PLEKHG1: variants seen among roughly 807,000 people sequenced by gnomAD.
PLEKHG1 encodes the protein pleckstrin homology domain-containing family G member 1.
A neutral mutation model predicts 100.8 loss-of-function variants in PLEKHG1; 44 were observed. That is an observed-to-expected ratio of 0.44 (90% CI 0.34 to 0.56). PLEKHG1 has a LOEUF of 0.56. PLEKHG1 is among the 20% of genes least tolerant of loss of function. The probability of loss-of-function intolerance (pLI) is 0.01; values close to 1 mark genes in which losing one functional copy is unlikely to be tolerated. For synonymous variants in PLEKHG1, 640 were observed against 662.5 expected (o/e 0.97, Z 0.52); for missense variants, 1,545 against 1,720.9 (o/e 0.90, Z 1.81).
intron 14 of PLEKHG1, among the ~76,000 whole-genome samples, chr6:150,829,062 AT>A (rs984774484): frequency 1.3e-5 from 2 of 152,198 alleles, no homozygotes; most frequent in African/African-American, 4.8e-5. Context: ...TCTAATAGAT[AT>A]TCCAATTAAC....
At chr6:150,718,207 G>A (rs947996666), upstream of PLEKHG1, among the ~76,000 whole-genome samples, 9 of 152,156 alleles carry the variant, frequency 5.9e-5, no homozygotes, top group Admixed American at 3.3e-4. Flanking sequence ...TGCCTTTTGT[G>A]TGTCTTAAGA....
chr6:150,720,618 C>G (rs962002625), upstream of PLEKHG1, among the ~76,000 whole-genome samples: 2 of 151,836 alleles, frequency 1.3e-5, no homozygotes, highest in Non-Finnish European at 2.9e-5. Context: ...CACACCCCAC[C>G]CCCACCCCAA....
At chr6:150,684,863 C>T (rs1185232953) in intron 3 of PLEKHG1, among the ~76,000 whole-genome samples, 1 of 152,054 alleles carries the variant, frequency 6.6e-6, no homozygotes, top group Admixed American at 6.5e-5. Flanking sequence ...CCGGGAAAGG[C>T]GTGGTTCACC....
chr6:150,677,312 G>GCA (rs1203725390), intron 3 of PLEKHG1, among the ~76,000 whole-genome samples: 43 of 127,976 alleles, frequency 3.4e-4, no homozygotes, highest in Non-Finnish European at 5.5e-4. Flanking sequence ...ACGCGCGCGC[G>GCA]CACACACACC....
At chr6:150,631,062 G>A (rs922848587) in intron 1 of PLEKHG1, among the ~76,000 whole-genome samples, 6 of 152,184 alleles carry the variant, frequency 3.9e-5, no homozygotes, top group Non-Finnish European at 8.8e-5. Context: ...TGCTAAAGCT[G>A]AAGCTCTCAA....
intron 2 of PLEKHG1, among the ~76,000 whole-genome samples, chr6:150,735,331 C>T (rs1291517451): frequency 6.6e-6 from 1 of 152,126 alleles, no homozygotes; most frequent in Non-Finnish European, 1.5e-5. Flanking sequence ...GCTTTGCTGC[C>T]TACTAATACA....
At chr6:150,843,298 T>C (rs1777611726) in exon 16 of PLEKHG1, 1 of 152,178 alleles carries the variant, frequency 6.6e-6, no homozygotes, top group South Asian at 2.1e-4. Flanking sequence ...TTAGGACAAA[T>C]GTGTAGATTT....
intron 3 of PLEKHG1, among the ~76,000 whole-genome samples, chr6:150,709,760 A>T (rs1582982701): frequency 6.6e-6 from 1 of 152,192 alleles, no homozygotes; most frequent in South Asian, 2.1e-4. Flanking sequence ...AACAAAATTA[A>T]TTTGGCTTTG....
chr6:150,826,407 G>A (rs1228791964), intron 14 of PLEKHG1, among the ~76,000 whole-genome samples: 2 of 152,146 alleles, frequency 1.3e-5, no homozygotes, highest in African/African-American at 4.8e-5. Context: ...GCAGTAAGCC[G>A]AGATTGTGCC....
chr6:150,822,150 C>CAAAA (rs58672381), intron 13 of PLEKHG1, among the ~76,000 whole-genome samples: 13 of 36,734 alleles, frequency 3.5e-4, no homozygotes, highest in South Asian at 1.9e-3. Flanking sequence ...CCAAAGGACT[C>CAAAA]AAAAAAAAAA....
intron 3 of PLEKHG1, among the ~76,000 whole-genome samples, chr6:150,703,196 C>T (rs935118730): frequency 7.2e-5 from 11 of 152,014 alleles, no homozygotes; most frequent in Admixed American, 7.2e-4. Context: ...CTTCCTAACT[C>T]CTTCTTGTAA....
chr6:150,611,764 A>G (rs1464623925), intron 1 of PLEKHG1, among the ~76,000 whole-genome samples: 1 of 151,156 alleles, frequency 6.6e-6, no homozygotes, highest in African/African-American at 2.4e-5. Context: ...GTGAGTGGAA[A>G]TTGCACCACT....
intron 13 of PLEKHG1, among the ~76,000 whole-genome samples, chr6:150,823,103 G>A (rs921815558): frequency 1.4e-4 from 22 of 152,170 alleles, no homozygotes; most frequent in African/African-American, 5.3e-4. Context: ...CTGTGGAGAG[G>A]GAAGGACTTC....
chr6:150,673,646 T>C lies in PLEKHG1; in HGVS notation c.-99+22860T>C, dbSNP rs188127245. Among the ~76,000 whole-genome samples, 432 of 151,688 alleles carry C rather than the reference T, an allele frequency of 2.8e-3. 5 individuals carry two copies. The highest frequency in any genetic ancestry group is 3.5e-3 in the Non-Finnish European group (238 of 67,884). On this transcript the variant is annotated intron_variant, in intron 3 of 3. Transcript: ENST00000367326. ...TCCTTCCTTCCTTCTTTCCTTCCTT[T>C]CTTTCCCTCTTCCCTCCCCTCCCTC...
intron 10 of PLEKHG1, among the ~76,000 whole-genome samples, chr6:150,815,552 T>C (rs770415261): frequency 7.9e-5 from 12 of 152,236 alleles, no homozygotes; most frequent in Non-Finnish European, 1.6e-4. Context: ...AGAGAGAGAC[T>C]GAGCTAACAT....
chr6:150,688,846 A>G (rs145925278), intron 3 of PLEKHG1, among the ~76,000 whole-genome samples: 117 of 152,354 alleles, frequency 7.7e-4, no homozygotes, highest in African/African-American at 2.6e-3. Context: ...GGTTTTTGGT[A>G]TATTACATTA....
chr6:150,704,072 T>G (rs1398815377), intron 3 of PLEKHG1, among the ~76,000 whole-genome samples: 2 of 151,896 alleles, frequency 1.3e-5, no homozygotes, highest in Admixed American at 6.6e-5. Flanking sequence ...GGTGCTGAGT[T>G]TCGGAGTTGA....
intron 14 of PLEKHG1, among the ~76,000 whole-genome samples, chr6:150,825,631 T>C (rs1353743055): frequency 6.6e-6 from 1 of 152,108 alleles, no homozygotes; most frequent in Non-Finnish European, 1.5e-5. Flanking sequence ...GCTTAATATT[T>C]CTCCCAGAAT....
At chr6:150,727,576 G>T (rs1025551132) in intron 1 of PLEKHG1, among the ~76,000 whole-genome samples, 20 of 151,576 alleles carry the variant, frequency 1.3e-4, no homozygotes, top group African/African-American at 4.9e-4. Context: ...AGCTGTCTAG[G>T]CATCTTTTCC....
Sources: allele counts gnomAD v4.1 joint callset (sites outside exome capture counted in the v4.1 genomes callset), GRCh38; gene constraint gnomAD v4.1.1; transcripts MANE v1.5; gene names NCBI Gene and HGNC (gene_info 2026-07-23, HGNC 2026-07-21).